Variants in TAFA2 observed in about 807,000 individuals in gnomAD.
TAFA2 encodes the protein chemokine-like protein TAFA-2.
In TAFA2, 7 loss-of-function variants were observed where a neutral mutation model predicts 18.8. That is an observed-to-expected ratio of 0.37 (90% CI 0.21 to 0.70). The LOEUF (loss-of-function observed/expected upper bound fraction) is 0.70. Among genes scored for constraint, TAFA2 ranks in the 30% least tolerant of loss-of-function variants. The pLI is 0.53. For synonymous variants in TAFA2, 60 were observed against 54.2 expected (o/e 1.11, Z -0.47); for missense variants, 122 against 158.1 (o/e 0.77, Z 1.23).
At chr12:62,215,979 G>A (rs1012039399) in intron 1 of TAFA2, among the ~76,000 whole-genome samples, 1 of 152,084 alleles carries the variant, frequency 6.6e-6, no homozygotes, top group African/African-American at 2.4e-5. Flanking sequence ...GTATCACCAT[G>A]GCAAGTGAAT....
At chr12:62,051,196 T>C (rs1217179402) in intron 1 of TAFA2, among the ~76,000 whole-genome samples, 1 of 152,190 alleles carries the variant, frequency 6.6e-6, no homozygotes, top group Non-Finnish European at 1.5e-5. Context: ...CACTCTCCCA[T>C]TCATCCATTC....
At chr12:61,834,373 AC>A in intron 2 of TAFA2, among the ~76,000 whole-genome samples, 1 of 152,140 alleles carries the variant, frequency 6.6e-6, no homozygotes, top group South Asian at 2.1e-4. Context: ...TGGATTCCTT[AC>A]CTGCATATCG....
chr12:62,051,681 C>A (rs891030893), intron 1 of TAFA2, among the ~76,000 whole-genome samples: 1 of 151,804 alleles, frequency 6.6e-6, no homozygotes, highest in African/African-American at 2.4e-5. Flanking sequence ...GCGACAGGAA[C>A]TATGCATACC....
chr12:61,940,699 A>C (rs1397336303), intron 1 of TAFA2, among the ~76,000 whole-genome samples: 1 of 152,182 alleles, frequency 6.6e-6, no homozygotes, highest in African/African-American at 2.4e-5. Context: ...GGTGCAGGTG[A>C]AGCTAGCAAT....
chr12:61,886,108 G>A (rs1037207258), intron 1 of TAFA2, among the ~76,000 whole-genome samples: 12 of 152,054 alleles, frequency 7.9e-5, no homozygotes, highest in African/African-American at 2.7e-4. Context: ...CCTTTGCACA[G>A]AAGAAAGCAT....
intron 2 of TAFA2, among the ~76,000 whole-genome samples, chr12:61,766,559 T>C (rs989849222): frequency 1.1e-4 from 17 of 152,072 alleles, no homozygotes; most frequent in African/African-American, 3.6e-4. Context: ...CTTACTTATC[T>C]CTGTAACGCG....
intron 1 of TAFA2, among the ~76,000 whole-genome samples, chr12:61,870,491 A>G (rs950979925): frequency 3.9e-5 from 6 of 152,358 alleles, no homozygotes; most frequent in African/African-American, 9.6e-5. Context: ...AAACCTTAAC[A>G]TGATTCCCTT....
intron 1 of TAFA2, among the ~76,000 whole-genome samples, chr12:62,141,324 T>C (rs1462950313): frequency 6.6e-6 from 1 of 152,190 alleles, no homozygotes; most frequent in Non-Finnish European, 1.5e-5. Flanking sequence ...AGAATGGGGC[T>C]TACTGCAGTG....
At position 62,241,945 on chromosome 12, in the gene TAFA2, G is replaced by C. The variant is rs957127756; in HGVS notation, c.-130+16818C>G. On this transcript the variant is annotated intron_variant, in intron 1 of 5. Transcript: ENST00000551619. ...AAAAGGATATTTTTAACAATTTGAA[G>C]GTCACCAGGCATAGATGAAGATAGT... Among the ~76,000 whole-genome samples, 4 of 152,156 alleles carry C rather than the reference G, an allele frequency of 2.6e-5. No individual in the cohort carries two copies. The East Asian group carries it at 5.8e-4, about 22-fold the overall frequency.
At chr12:61,899,484 T>C (rs951664243) in intron 1 of TAFA2, among the ~76,000 whole-genome samples, 2 of 152,156 alleles carry the variant, frequency 1.3e-5, no homozygotes, top group African/African-American at 4.8e-5. Flanking sequence ...ACATCTTACA[T>C]GGCAGCAGGC....
intron 2 of TAFA2, among the ~76,000 whole-genome samples, chr12:61,758,024 G>C (rs566307763): frequency 7.2e-5 from 11 of 152,152 alleles, no homozygotes; most frequent in Admixed American, 7.2e-4. Context: ...AGGATTAACT[G>C]AGGATTAAAT....
At chr12:61,894,480 G>A (rs1457771607) in intron 1 of TAFA2, among the ~76,000 whole-genome samples, 2 of 152,154 alleles carry the variant, frequency 1.3e-5, no homozygotes, top group Admixed American at 1.3e-4. Context: ...CAGATTAGCA[G>A]CAAAGAGACA....
chr12:61,782,140 C>T (rs889794198), intron 2 of TAFA2, among the ~76,000 whole-genome samples: 1 of 151,588 alleles, frequency 6.6e-6, no homozygotes, highest in Non-Finnish European at 1.5e-5. Context: ...GTCCCTCAAC[C>T]ATCTAAATGG....
chr12:62,155,747 G>A (rs774158348), intron 1 of TAFA2, among the ~76,000 whole-genome samples: 1 of 152,114 alleles, frequency 6.6e-6, no homozygotes, highest in Non-Finnish European at 1.5e-5. Flanking sequence ...CCACATGTAG[G>A]AGAATGAAAC....
chr12:62,011,497 A>C (rs2136714308), intron 1 of TAFA2, among the ~76,000 whole-genome samples: 1 of 152,262 alleles, frequency 6.6e-6, no homozygotes, highest in African/African-American at 2.4e-5. Context: ...TCAGGGTTAA[A>C]TGGATTAAGG....
intron 4 of TAFA2, among the ~76,000 whole-genome samples, chr12:61,711,567 TC>T (rs1199444027): frequency 2.0e-5 from 3 of 152,132 alleles, no homozygotes; most frequent in African/African-American, 7.2e-5. Flanking sequence ...TTCATTGTTT[TC>T]TGATCAATTA....
chr12:62,238,587 T>C (rs963090165), intron 1 of TAFA2, among the ~76,000 whole-genome samples: 2 of 152,222 alleles, frequency 1.3e-5, no homozygotes, highest in Non-Finnish European at 2.9e-5. Context: ...GTTAGACATT[T>C]TGATTCCACA....
chr12:62,173,285 C>T (rs943176768), intron 1 of TAFA2, among the ~76,000 whole-genome samples: 5 of 151,944 alleles, frequency 3.3e-5, no homozygotes, highest in Admixed American at 6.6e-5. Flanking sequence ...ACGTCGTGCG[C>T]GCCTGTAATC....
At chr12:62,113,461 G>A (rs558532436) in intron 1 of TAFA2, among the ~76,000 whole-genome samples, 1 of 152,316 alleles carries the variant, frequency 6.6e-6, no homozygotes, top group South Asian at 2.1e-4. Flanking sequence ...AGGCACAGGA[G>A]GCACGGAGTT....
Sources: allele counts gnomAD v4.1 joint callset (sites outside exome capture counted in the v4.1 genomes callset), GRCh38; gene constraint gnomAD v4.1.1; transcripts MANE v1.5; gene names NCBI Gene and HGNC (gene_info 2026-07-23, HGNC 2026-07-21).